KPNA4: variants seen among roughly 807,000 people sequenced by gnomAD.
KPNA4 encodes the protein karyopherin subunit alpha 4.
A neutral mutation model predicts 71.3 loss-of-function variants in KPNA4; 13 were observed. That is an observed-to-expected ratio of 0.18 (90% CI 0.12 to 0.29). The LOEUF (loss-of-function observed/expected upper bound fraction) is 0.29, where lower values mean the gene tolerates loss of function less well. KPNA4 is among the 10% of genes least tolerant of loss of function. KPNA4 has a pLI of 1.00. For missense variants in KPNA4, 334 were observed against 603.2 expected, an observed-to-expected ratio of 0.55 and a Z score of 4.67; for synonymous variants, 189 against 195.2, an observed-to-expected ratio of 0.97 and a Z score of 0.26.
chr3:160,562,983 G>C (rs1283303529), intron 1 of KPNA4, among the ~76,000 whole-genome samples: 1 of 152,142 alleles, frequency 6.6e-6, no homozygotes, highest in African/African-American at 2.4e-5. Context: ...TTCCACCAAA[G>C]GTTCAAAGTA....
chr3:160,502,262 T>C (rs1408870260), intron 16 of KPNA4, 60 bp from the exon 17 acceptor site: 1 of 822,820 alleles, frequency 1.2e-6, no homozygotes, highest in Non-Finnish European at 1.9e-6. Context: ...ATAAACAGTA[T>C]TATAGTACTA....
At chr3:160,533,863 T>C (rs1721623342) in intron 5 of KPNA4, among the ~76,000 whole-genome samples, 1 of 152,244 alleles carries the variant, frequency 6.6e-6, no homozygotes, top group African/African-American at 2.4e-5. Context: ...CACTGGGCTT[T>C]AATTTTCTTG....
At chr3:160,543,009 A>C (rs1409191266) in intron 1 of KPNA4, among the ~76,000 whole-genome samples, 2 of 152,218 alleles carry the variant, frequency 1.3e-5, no homozygotes, top group Non-Finnish European at 2.9e-5. Context: ...CAACATTCAA[A>C]CAACAGGAAA....
rs769039924 is a variant in KPNA4 at position 160,515,591 on chromosome 3, CAAT to C, written c.904-14_904-12del. 3.7e-6 allele frequency: 6 copies of C among 1,600,654 alleles called. No individual in the cohort carries two copies. Among genetic ancestry groups the C allele is most frequent in the East Asian group, 2.3e-5 (1 of 44,404 alleles). On this transcript the variant is annotated splice_polypyrimidine_tract_variant and intron_variant, in intron 11 of 16. Transcript: ENST00000334256. ...TCTAAGTGCAGCAGTCTGAAATGCACAATGAGATGACATTCTATGTGAAATCCT... is the reference window on the plus strand; with the variant it reads ...TCTAAGTGCAGCAGTCTGAAATGCACGAGATGACATTCTATGTGAAATCCT...
chr3:160,538,040 T>C (rs1220434995), intron 1 of KPNA4, among the ~76,000 whole-genome samples: 1 of 151,866 alleles, frequency 6.6e-6, no homozygotes, highest in Non-Finnish European at 1.5e-5. Flanking sequence ...CATGGACTCC[T>C]TTGGCAGTTT....
intron 11 of KPNA4, 72 bp from the exon 12 acceptor site, chr3:160,515,652 T>C (rs1206258297): frequency 4.5e-6 from 7 of 1,544,106 alleles, no homozygotes; most frequent in Non-Finnish European, 6.2e-6. Context: ...TCTTGCTCTG[T>C]CGCCCAGGGT....
At chr3:160,523,869 A>G (rs62272791) in intron 10 of KPNA4, among the ~76,000 whole-genome samples, 79,988 of 151,866 alleles carry the variant, frequency 0.53, 21,580 homozygotes, top group Non-Finnish European at 0.55. Flanking sequence ...AAAAAAAAGA[A>G]TTCACATAAA....
chr3:160,530,749 C>CTAA (rs751893461), intron 7 of KPNA4, 106 bp downstream of exon 7: 2 of 715,942 alleles, frequency 2.8e-6, no homozygotes, highest in Non-Finnish European at 4.8e-6. Context: ...TACGTAGTAG[C>CTAA]TATTATTTTA....
chr3:160,545,694 T>G (rs1721889327), intron 1 of KPNA4, among the ~76,000 whole-genome samples: 1 of 152,208 alleles, frequency 6.6e-6, no homozygotes, highest in Non-Finnish European at 1.5e-5. Flanking sequence ...TGTTCTGATT[T>G]AAAAGAGAAT....
At chr3:160,518,000 T>C (rs1257079617) in intron 11 of KPNA4, among the ~76,000 whole-genome samples, 2 of 152,204 alleles carry the variant, frequency 1.3e-5, no homozygotes, top group East Asian at 3.8e-4. Flanking sequence ...TTCTTTTTCT[T>C]TGGTTGCTTG....
At chr3:160,506,477 A>C (rs373102557) in intron 15 of KPNA4, among the ~76,000 whole-genome samples, 7 of 151,800 alleles carry the variant, frequency 4.6e-5, no homozygotes, top group African/African-American at 1.7e-4. Flanking sequence ...GGCCATAAAT[A>C]CTTTCTTAAC....
Position 160,497,964 on chromosome 3 carries a change from A to G in KPNA4, c.*4140T>C, listed in dbSNP as rs185646396. 1 of 152,264 alleles carries G rather than the reference A, an allele frequency of 6.6e-6. No homozygotes were observed. The highest frequency in any genetic ancestry group is 1.9e-4 in the East Asian group (1 of 5,190). The allele number at this position is 152,264 out of a possible 1,614,324, so 9.4% of individuals were successfully genotyped here. On this transcript the variant is annotated 3_prime_UTR_variant, in exon 17 of 17. Transcript: ENST00000334256. ...GTTACCCATTCCTTAGTAAACAAAA[A>G]AAATATCCAAAAAGCTACATTCACA...
intron 11 of KPNA4, among the ~76,000 whole-genome samples, chr3:160,520,147 A>G (rs994996853): frequency 6.6e-6 from 1 of 152,224 alleles, no homozygotes; most frequent in Non-Finnish European, 1.5e-5. Context: ...AAAATTCTGT[A>G]CCAAGACATA....
chr3:160,534,855 C>T (rs926544096), intron 5 of KPNA4, among the ~76,000 whole-genome samples: 1 of 150,854 alleles, frequency 6.6e-6, no homozygotes, highest in Non-Finnish European at 1.5e-5. Flanking sequence ...TCCCAAGTAG[C>T]TGGAATTACA....
intron 9 of KPNA4, 45 bp from the exon 10 acceptor site, chr3:160,525,889 AAT>A (rs746142585): frequency 7.2e-6 from 11 of 1,518,814 alleles, no homozygotes; most frequent in Admixed American, 4.2e-5. Flanking sequence ...ACAAATAAAA[AAT>A]ATATATATAA....
rs1721703514 is a variant in KPNA4, at chr3:160,536,852, T to G, written c.70-12A>C. 1 of 1,511,518 alleles carries G rather than the reference T, an allele frequency of 6.6e-7. No homozygotes were observed. The highest frequency in any genetic ancestry group is 1.7e-5 in the Admixed American group (1 of 58,324). The allele number at this position is 1,511,518 out of a possible 1,614,324, so 93.6% of individuals were successfully genotyped here. A position where few individuals can be genotyped will look rare whatever the true frequency, so the allele number is the denominator to read the frequency against. ...TGTCTTCTCATAGTCTACAAAAAAA[T>G]TAAAGGAAAATATTTTTAAAATCAC... On this transcript the variant is annotated splice_polypyrimidine_tract_variant and intron_variant, in intron 1 of 16. Coordinates refer to ENST00000334256, the MANE Select transcript of KPNA4 (RefSeq NM_002268.5).
At position 160,500,587 on chromosome 3, in the gene KPNA4, G is replaced by A. The variant is rs1720858241; in HGVS notation, c.*1517C>T. On this transcript the variant is annotated 3_prime_UTR_variant, in exon 17 of 17. Coordinates refer to ENST00000334256, the MANE Select transcript of KPNA4 (RefSeq NM_002268.5). The stretch of plus-strand genomic sequence containing the variant: ...TAGTGTGCATAACCTCAAAACTGAG[G>A]TATTATTCCAATTTATAAAAACCAC... The A allele has an allele frequency of 6.6e-6, 1 of 152,480 alleles. No individual in the cohort carries two copies. The highest frequency in any genetic ancestry group is 1.5e-5 in the Non-Finnish European group (1 of 67,986). 9.4% of individuals were successfully genotyped at this position (152,480 alleles called of 1,614,324 possible).
chr3:160,545,499 T>C (rs1345953153), intron 1 of KPNA4, among the ~76,000 whole-genome samples: 1 of 152,066 alleles, frequency 6.6e-6, no homozygotes, highest in Admixed American at 6.5e-5. Flanking sequence ...GACAGAAAAA[T>C]ATAAAGCCAG....
intron 1 of KPNA4, among the ~76,000 whole-genome samples, chr3:160,546,256 A>C (rs1047080823): frequency 6.6e-6 from 1 of 152,200 alleles, no homozygotes; most frequent in Non-Finnish European, 1.5e-5. Context: ...GGCAGCTCAC[A>C]CCTGTAATTC....
Sources: gnomAD v4.1 joint callset for allele counts (sites outside exome capture counted in the v4.1 genomes callset) on GRCh38, gnomAD v4.1.1 for gene constraint, MANE v1.5 for transcripts, NCBI Gene and HGNC (gene_info 2026-07-23, HGNC 2026-07-21) for gene names.